TSHZ2: variants seen among roughly 807,000 people sequenced by gnomAD.
TSHZ2 encodes the protein teashirt homolog 2.
Under a neutral mutation model 74.4 loss-of-function variants are expected in TSHZ2, and 21 were observed. That is an observed-to-expected ratio of 0.28 (90% confidence interval 0.20 to 0.41). The LOEUF is 0.41. Ranked by LOEUF, TSHZ2 falls within the 10% of genes least tolerant of loss-of-function variation. TSHZ2 has a pLI of 1.00. For missense variants in TSHZ2, 1,244 were observed against 1,293.5 expected (o/e 0.96, Z 0.59); for synonymous variants, 540 against 515.3 (o/e 1.05, Z -0.65).
At chr20:53,396,361 C>A (rs1291726206) in intron 2 of TSHZ2, among the ~76,000 whole-genome samples, 1 of 152,162 alleles carries the variant, frequency 6.6e-6, no homozygotes, top group Non-Finnish European at 1.5e-5. Context: ...CTGACAATGA[C>A]CCTGAAAGAG....
chr20:53,255,991 C>A lies in TSHZ2; in HGVS notation c.2533C>A (p.Gln845Lys). The A allele has an allele frequency of 6.2e-7, 1 of 1,613,674 alleles. No homozygotes were observed. The highest frequency in any genetic ancestry group is 8.5e-7 in the Non-Finnish European group (1 of 1,179,682). The change falls in exon 2 of 3, where the codon CAG becomes AAG. Residue 845 changes from glutamine to lysine, a missense_variant. Around this residue, in one of 6 missense-constraint regions of TSHZ2, gnomAD observed 562 missense variants for 544.0 expected, o/e 1.03. Transcript: ENST00000371497. This position sits in a 1 kb window ranked among gnomAD's most constrained non-coding sequence, Gnocchi z 4.1. ...AACTTTGCATAAAAGAAAAGGCCGG[C>A]AGTCCAACTGGAATCCTCAGCATCT... ...VSTLHKRKGRQSNWNPQHLLI... is the reference protein window; with the variant it reads ...VSTLHKRKGRKSNWNPQHLLI...
chr20:53,237,940 T>A (rs1001151697), intron 1 of TSHZ2, among the ~76,000 whole-genome samples: 2 of 152,170 alleles, frequency 1.3e-5, no homozygotes, highest in African/African-American at 4.8e-5. Context: ...CCAGAAAGCA[T>A]TTTTAAGGCA....
intron 2 of TSHZ2, among the ~76,000 whole-genome samples, chr20:53,298,793 T>C (rs925526540): frequency 2.6e-5 from 4 of 152,208 alleles, no homozygotes; most frequent in Non-Finnish European, 5.9e-5. Context: ...GTCTCCCTCC[T>C]TCTTAATCAA....
intron 1 of TSHZ2, among the ~76,000 whole-genome samples, chr20:53,210,387 G>A (rs1448814317): frequency 6.6e-6 from 1 of 152,194 alleles, no homozygotes; most frequent in African/African-American, 2.4e-5. Context: ...TCGAGCGGTG[G>A]AGGTGGCTCT....
intron 1 of TSHZ2, among the ~76,000 whole-genome samples, chr20:53,175,681 G>T (rs1279416818): frequency 6.6e-6 from 1 of 152,224 alleles, no homozygotes; most frequent in Non-Finnish European, 1.5e-5. Flanking sequence ...GCAGATAGTG[G>T]CTGCTCCAGG....
At chr20:53,234,014 C>T (rs1197271039) in intron 1 of TSHZ2, among the ~76,000 whole-genome samples, 2 of 152,202 alleles carry the variant, frequency 1.3e-5, no homozygotes, top group Admixed American at 6.5e-5. Flanking sequence ...TGGTTGTGGA[C>T]ACAACCCGGC....
chr20:53,390,239 C>T (rs867662572), intron 2 of TSHZ2, among the ~76,000 whole-genome samples: 70 of 152,238 alleles, frequency 4.6e-4, no homozygotes, highest in Middle Eastern at 6.8e-3. Context: ...GTATTAATCC[C>T]AGGGTGACAG....
In TSHZ2 at chr20:53,264,386, T is replaced by G. The variant is rs561960008; in HGVS notation, c.*8+7815T>G. Among the ~76,000 whole-genome samples, 4 of 152,354 alleles carry G rather than the reference T, an allele frequency of 2.6e-5. No individual in the cohort carries two copies. The South Asian group carries it at 6.2e-4, about 24-fold the overall frequency. Reference sequence around the variant, plus strand: ...CAGAATCGGAGCACAGGGCTCCTTATGCAGCACTGGGCCACCAGTGCTCAA... The same window carrying G: ...CAGAATCGGAGCACAGGGCTCCTTAGGCAGCACTGGGCCACCAGTGCTCAA... On this transcript the variant is annotated intron_variant, in intron 2 of 2. Coordinates refer to ENST00000371497, the MANE Select transcript of TSHZ2 (RefSeq NM_173485.6).
At chr20:53,194,072 G>A (rs1482794083) in intron 1 of TSHZ2, among the ~76,000 whole-genome samples, 1 of 152,200 alleles carries the variant, frequency 6.6e-6, no homozygotes, top group Non-Finnish European at 1.5e-5. Flanking sequence ...AACACAGTCT[G>A]TTGGATGGTA....
At chr20:53,475,804 CA>C (rs1262204289) in intron 2 of TSHZ2, among the ~76,000 whole-genome samples, 1 of 139,346 alleles carries the variant, frequency 7.2e-6, no homozygotes, top group Non-Finnish European at 1.5e-5. Flanking sequence ...CAAATAGACG[CA>C]ATAAAAAATG....
intron 1 of TSHZ2, among the ~76,000 whole-genome samples, chr20:53,252,171 T>G (rs1401721737): frequency 6.6e-6 from 1 of 152,116 alleles, no homozygotes; most frequent in Admixed American, 6.5e-5. Context: ...GCCTTTGGAG[T>G]TGCTGATTGT....
chr20:53,205,945 G>T (rs1989157712), intron 1 of TSHZ2, among the ~76,000 whole-genome samples: 1 of 152,190 alleles, frequency 6.6e-6, no homozygotes, highest in Non-Finnish European at 1.5e-5. Context: ...TATGGGCCGG[G>T]CACGGTGGCT....
At chr20:52,986,508 C>A (rs1386233807) in intron 1 of TSHZ2, among the ~76,000 whole-genome samples, 1 of 151,622 alleles carries the variant, frequency 6.6e-6, no homozygotes, top group African/African-American at 2.4e-5. Context: ...GGTGGCAGAT[C>A]ACCTGAGGTC....
chr20:52,996,898 G>T (rs1348580481), intron 1 of TSHZ2, among the ~76,000 whole-genome samples: 1 of 152,124 alleles, frequency 6.6e-6, no homozygotes, highest in Non-Finnish European at 1.5e-5. Flanking sequence ...CTGGTTAGTA[G>T]CTCCTCACTA....
chr20:53,209,917 G>C (rs955707538), intron 1 of TSHZ2, among the ~76,000 whole-genome samples: 3 of 152,178 alleles, frequency 2.0e-5, no homozygotes, highest in Admixed American at 2.0e-4. Flanking sequence ...TTCCAGGAGA[G>C]CAGAAGTACC....
chr20:53,184,989 T>C (rs1241743409), intron 1 of TSHZ2, among the ~76,000 whole-genome samples: 3 of 152,230 alleles, frequency 2.0e-5, no homozygotes, highest in Non-Finnish European at 2.9e-5. Flanking sequence ...GATTACAGGC[T>C]TAAATATTCA....
chr20:53,438,165 A>T (rs1984166066), intron 2 of TSHZ2, among the ~76,000 whole-genome samples: 1 of 146,346 alleles, frequency 6.8e-6, no homozygotes, highest in Admixed American at 7.0e-5. Flanking sequence ...GCTGGAGTGC[A>T]GTGGTGCAGT....
intron 2 of TSHZ2, among the ~76,000 whole-genome samples, chr20:53,419,679 C>T (rs1983397111): frequency 6.6e-6 from 1 of 152,214 alleles, no homozygotes; most frequent in South Asian, 2.1e-4. Context: ...CAGTCAATAA[C>T]AAATAGTCTT....
intron 2 of TSHZ2, among the ~76,000 whole-genome samples, chr20:53,333,686 G>A (rs1044947181): frequency 1.3e-5 from 2 of 152,188 alleles, no homozygotes; most frequent in Non-Finnish European, 2.9e-5. Flanking sequence ...TCGATCTCCT[G>A]ACCTCATGAT....
Sources: allele counts gnomAD v4.1 joint callset (sites outside exome capture counted in the v4.1 genomes callset), GRCh38; gene constraint gnomAD v4.1.1; regional missense constraint gnomAD v4.1.1; non-coding constraint Gnocchi (gnomAD v3.1); transcripts MANE v1.5; gene names NCBI Gene and HGNC (gene_info 2026-07-23, HGNC 2026-07-21).